Variants in SCHIP1 observed in about 807,000 individuals in gnomAD.
SCHIP1 encodes schwannomin-interacting protein 1.
In SCHIP1, 8 loss-of-function variants were observed where a neutral mutation model predicts 29.7. The observed-to-expected ratio is 0.27, with a 90% confidence interval of 0.16 to 0.49. The LOEUF (loss-of-function observed/expected upper bound fraction) is 0.49, where lower values mean the gene tolerates loss of function less well. Ranked by LOEUF, SCHIP1 falls within the 20% of genes least tolerant of loss-of-function variation. SCHIP1 has a pLI of 0.99. For synonymous variants in SCHIP1, 76 were observed against 94.9 expected, an observed-to-expected ratio of 0.80 and a Z score of 1.16; for missense variants, 193 against 294.6, an observed-to-expected ratio of 0.66 and a Z score of 2.52.
the SCHIP1 span, among the ~76,000 whole-genome samples, chr3:159,504,102 G>A: frequency 6.6e-6 from 1 of 152,166 alleles, no homozygotes; most frequent in South Asian, 2.1e-4. Context: ...CTCTCAGGTT[G>A]TGGAGGACCA....
the SCHIP1 span, among the ~76,000 whole-genome samples, chr3:159,367,360 C>T: frequency 6.6e-6 from 1 of 151,108 alleles, no homozygotes; most frequent in African/African-American, 2.4e-5. Flanking sequence ...CCATTCATTG[C>T]ACTCTCAGCC....
At chr3:159,311,974 T>C in the SCHIP1 span, among the ~76,000 whole-genome samples, 1 of 152,134 alleles carries the variant, frequency 6.6e-6, no homozygotes, top group Non-Finnish European at 1.5e-5. Flanking sequence ...GTGGAAGATA[T>C]AGTCATACCA....
chr3:159,503,737 A>T, the SCHIP1 span, among the ~76,000 whole-genome samples: 1 of 152,236 alleles, frequency 6.6e-6, no homozygotes, highest in Non-Finnish European at 1.5e-5. Context: ...TCAACATTCA[A>T]TTAAGAAACA....
the SCHIP1 span, among the ~76,000 whole-genome samples, chr3:159,386,598 A>G: frequency 1.3e-5 from 2 of 152,308 alleles, no homozygotes; most frequent in Admixed American, 6.5e-5. Flanking sequence ...CAATCCTAAT[A>G]AAAAGAACAA....
chr3:159,624,449 A>C, the SCHIP1 span, among the ~76,000 whole-genome samples: 1 of 152,180 alleles, frequency 6.6e-6, no homozygotes, highest in South Asian at 2.1e-4. Flanking sequence ...CCCAGCATGG[A>C]GGTGATCTGT....
chr3:159,387,726 A>T, the SCHIP1 span, among the ~76,000 whole-genome samples: 1 of 152,328 alleles, frequency 6.6e-6, no homozygotes, highest in East Asian at 1.9e-4. Context: ...ATAATTGAGC[A>T]TGTGTTCTTA....
At chr3:159,494,874 C>G in the SCHIP1 span, among the ~76,000 whole-genome samples, 1 of 152,078 alleles carries the variant, frequency 6.6e-6, no homozygotes, top group African/African-American at 2.4e-5. Flanking sequence ...ACTGGCAAAC[C>G]GAATCCAGCA....
the SCHIP1 span, among the ~76,000 whole-genome samples, chr3:159,429,526 G>A: frequency 6.6e-6 from 1 of 152,110 alleles, no homozygotes; most frequent in Non-Finnish European, 1.5e-5. Context: ...AAGGAGAGCA[G>A]GGAACCATAA....
At chr3:159,624,784 T>C in the SCHIP1 span, among the ~76,000 whole-genome samples, 1 of 152,026 alleles carries the variant, frequency 6.6e-6, no homozygotes, top group Non-Finnish European at 1.5e-5. Flanking sequence ...AAGGAAGAAC[T>C]AGAAGAGCCT....
At chr3:159,498,415 A>T in the SCHIP1 span, among the ~76,000 whole-genome samples, 1 of 152,262 alleles carries the variant, frequency 6.6e-6, no homozygotes, top group Non-Finnish European at 1.5e-5. Flanking sequence ...AAGGTTAGGC[A>T]GATTAACTAA....
chr3:159,896,570 C>T (rs923260568), intron 6 of SCHIP1, among the ~76,000 whole-genome samples, 153 bp from the exon 8 acceptor site: 1 of 152,158 alleles, frequency 6.6e-6, no homozygotes, highest in African/African-American at 2.4e-5. Context: ...AATCAGAGTT[C>T]AAAGAGTTTG....
the SCHIP1 span, among the ~76,000 whole-genome samples, chr3:159,767,745 A>G: frequency 6.6e-6 from 1 of 152,138 alleles, no homozygotes; most frequent in African/African-American, 2.4e-5. Flanking sequence ...TCACCAGCTC[A>G]GAGAAGCTGT....
the SCHIP1 span, among the ~76,000 whole-genome samples, chr3:159,395,237 T>A: frequency 6.6e-6 from 1 of 152,144 alleles, no homozygotes; most frequent in Non-Finnish European, 1.5e-5. Context: ...TTGCTAGCGG[T>A]CTATCTATTT....
the SCHIP1 span, among the ~76,000 whole-genome samples, chr3:159,582,125 T>G: frequency 0.037 from 5,694 of 151,896 alleles, 253 homozygotes; most frequent in East Asian, 0.17. Context: ...TCTAGATAGG[T>G]TTTTTTTATG....
the SCHIP1 span, among the ~76,000 whole-genome samples, chr3:159,395,241 T>A: frequency 3.9e-5 from 6 of 152,174 alleles, no homozygotes; most frequent in Non-Finnish European, 7.3e-5. Context: ...TAGCGGTCTA[T>A]CTATTTTGTT....
At chr3:159,453,531 TA>T in the SCHIP1 span, among the ~76,000 whole-genome samples, 1 of 152,180 alleles carries the variant, frequency 6.6e-6, no homozygotes, top group African/African-American at 2.4e-5. Context: ...TGGCCTCAGA[TA>T]AGCCACTGAA....
At chr3:159,358,381 G>A in the SCHIP1 span, among the ~76,000 whole-genome samples, 1 of 152,242 alleles carries the variant, frequency 6.6e-6, no homozygotes, top group Admixed American at 6.5e-5. Context: ...AACAGCCTAA[G>A]TAAAGGCTAA....
chr3:159,518,342 T>C, the SCHIP1 span, among the ~76,000 whole-genome samples: 6 of 152,126 alleles, frequency 3.9e-5, no homozygotes, highest in Non-Finnish European at 8.8e-5. Context: ...AGGATTTTAA[T>C]GGTTATTTTT....
the SCHIP1 span, among the ~76,000 whole-genome samples, chr3:159,329,764 G>A: frequency 7.2e-5 from 11 of 152,030 alleles, no homozygotes; most frequent in Admixed American, 1.3e-4. Context: ...TAGTACACAA[G>A]AAGCCTAGTT....
Sources: allele counts gnomAD v4.1 joint callset (sites outside exome capture counted in the v4.1 genomes callset), GRCh38; gene constraint gnomAD v4.1.1; transcripts MANE v1.5; gene names NCBI Gene and HGNC (gene_info 2026-07-23, HGNC 2026-07-21).